The following SELPLG variants were observed in gnomAD, a reference collection of about 807,000 sequenced individuals.
SELPLG encodes selectin P ligand.
Under a neutral mutation model 1.1 loss-of-function variants are expected in SELPLG, and 2 were observed. That is an observed-to-expected ratio of 1.82 (90% CI 0.74 to 5.71). The LOEUF (loss-of-function observed/expected upper bound fraction) is 5.71. Among genes scored for constraint, SELPLG ranks in the 30% most tolerant of loss-of-function variants. The pLI is 0.05. For missense variants in SELPLG, 478 were observed against 524.7 expected, an observed-to-expected ratio of 0.91 and a Z score of 0.87; for synonymous variants, 230 against 221.2, an observed-to-expected ratio of 1.04 and a Z score of -0.35.
rs2031860186 is a variant in SELPLG, at chr12:108,623,390, G to A, written c.918C>T (p.Asn306=). The change falls in exon 2 of 2, where the codon AAC becomes AAT. Residue 306 remains asparagine, a synonymous_variant. Transcript: ENST00000550948. ...TGTGGTCTGGGGCCCCCACTGGGTA[G>A]TTGACGGACAAATTGCTGGCTGCCA... The part of the protein sequence containing the change: ...IPMAASNLSV[N]YPVGAPDHIS... 2 of 1,614,270 alleles carry A rather than the reference G, an allele frequency of 1.2e-6. No individual in the cohort carries two copies. The highest frequency in any genetic ancestry group is 1.7e-6 in the Non-Finnish European group (2 of 1,180,040).
At chr12:108,630,702 T>A (rs528519855) in intron 1 of SELPLG, among the ~76,000 whole-genome samples, 2 of 152,280 alleles carry the variant, frequency 1.3e-5, no homozygotes, top group Non-Finnish European at 2.9e-5. Flanking sequence ...CACCCGCTTT[T>A]TATGGGGTTG....
chr12:108,632,122 G>A, intron 1 of SELPLG: 1 of 596,148 alleles, frequency 1.7e-6, no homozygotes, highest in Non-Finnish European at 3.0e-6. Flanking sequence ...GCCCAGCCTA[G>A]CAACCCAGCC....
At chr12:108,630,713 T>C (rs2032031533) in intron 1 of SELPLG, among the ~76,000 whole-genome samples, 1 of 152,196 alleles carries the variant, frequency 6.6e-6, no homozygotes, top group Admixed American at 6.5e-5. Context: ...TATGGGGTTG[T>C]TGTGGGTTGA....
chr12:108,632,012 C>T, intron 1 of SELPLG: 1 of 1,285,510 alleles, frequency 7.8e-7, no homozygotes, highest in Non-Finnish European at 1.1e-6. Context: ...CTGCTTCTCC[C>T]CTTCAAGCCT....
intron 1 of SELPLG, chr12:108,631,839 G>T: frequency 1.3e-6 from 2 of 1,491,042 alleles, no homozygotes; most frequent in Non-Finnish European, 1.8e-6. Flanking sequence ...AACAAACACA[G>T]ACCCCCAACA....
intron 1 of SELPLG, among the ~76,000 whole-genome samples, chr12:108,625,379 C>T (rs572767217): frequency 4.6e-5 from 7 of 152,300 alleles, no homozygotes; most frequent in South Asian, 2.1e-4. Flanking sequence ...ACAGGGATGA[C>T]GGTGCCTACT....
chr12:108,622,595 T>G lies in SELPLG; in HGVS notation c.*474A>C, dbSNP rs1440549305. The stretch of plus-strand genomic sequence containing the variant: ...TCAGAAGTCCGTCACTCTTCAGTAC[T>G]CCTCCCTTAGAATGTCCACTTCCTG... On this transcript the variant is annotated 3_prime_UTR_variant, in exon 2 of 2. Coordinates refer to ENST00000550948, the MANE Select transcript of SELPLG (RefSeq NM_003006.4). 1 of 156,864 alleles carries G rather than the reference T, an allele frequency of 6.4e-6. No homozygotes were observed. Among genetic ancestry groups the G allele is most frequent in the Non-Finnish European group, 1.4e-5 (1 of 71,306 alleles). The allele number at this position is 156,864 out of a possible 1,614,324, so 9.7% of individuals were successfully genotyped here.
intron 1 of SELPLG, among the ~76,000 whole-genome samples, chr12:108,626,054 C>T (rs1349528673): frequency 6.6e-6 from 1 of 151,948 alleles, no homozygotes. Flanking sequence ...AACTCACTCA[C>T]GGGCCCCTCA....
chr12:108,623,232 G>C lies in SELPLG; in HGVS notation c.1076C>G (p.Pro359Arg). The change falls in exon 2 of 2, where the codon CCC becomes CGC. Residue 359 changes from proline to arginine, a missense_variant. Pro to Arg is a moderately radical substitution (Grantham distance 103). Transcript: ENST00000550948. Reference protein sequence around the residue: ...GHMYPVRNYSPTEMVCISSLL... With the variant: ...GHMYPVRNYSRTEMVCISSLL... ...GGATGAGATGCAGACCATCTCGGTG[G>C]GGGAGTAATTACGCACGGGGTACAT... 6.2e-7 allele frequency: 1 copy of C among 1,613,952 alleles called. No individual in the cohort carries two copies. Among genetic ancestry groups the C allele is most frequent in the African/African-American group, 1.3e-5 (1 of 75,040 alleles).
At chr12:108,631,611 C>T (rs1285295525) in intron 1 of SELPLG, among the ~76,000 whole-genome samples, 2 of 152,134 alleles carry the variant, frequency 1.3e-5, no homozygotes, top group East Asian at 1.9e-4. Context: ...TGGTGGCTTG[C>T]AAACCACAGT....
rs1178536091 is a variant in SELPLG, at chr12:108,622,419, C to T, written c.*650G>A. 6.6e-6 allele frequency: 1 copy of T among 152,460 alleles called. No homozygotes were observed. The highest frequency in any genetic ancestry group is 1.5e-5 in the Non-Finnish European group (1 of 68,250). The allele number at this position is 152,460 out of a possible 1,614,324, so 9.4% of individuals were successfully genotyped here. A position where few individuals can be genotyped will look rare whatever the true frequency, so the allele number is the denominator to read the frequency against. Reference sequence around the variant, plus strand: ...GTCACTTGTCACTAGATGGAAGCTCCTTGGTCCACACAGTCCCAAAGAAAG... The same window carrying T: ...GTCACTTGTCACTAGATGGAAGCTCTTTGGTCCACACAGTCCCAAAGAAAG... On this transcript the variant is annotated 3_prime_UTR_variant, in exon 2 of 2. Transcript: ENST00000550948.
Position 108,623,963 on chromosome 12 carries a change from A to G in SELPLG, c.345T>C (p.Asp115=). 6.2e-7 allele frequency: 1 copy of G among 1,614,082 alleles called. No homozygotes were observed. Among genetic ancestry groups the G allele is most frequent in the South Asian group, 1.1e-5 (1 of 91,078 alleles). The change falls in exon 2 of 2, where the codon GAT becomes GAC. Residue 115 remains aspartate, a synonymous_variant. Coordinates refer to ENST00000550948, the MANE Select transcript of SELPLG (RefSeq NM_003006.4). ...ELANMGNLST[D]SAAMEIQTTQ... ...TGGTCTGTATCTCCATAGCTGCTGA[A>G]TCCGTGGACAGGTTCCCCATGTTGG...
intron 1 of SELPLG, among the ~76,000 whole-genome samples, chr12:108,630,537 C>T (rs1391683854): frequency 2.0e-5 from 3 of 152,188 alleles, no homozygotes; most frequent in Non-Finnish European, 2.9e-5. Context: ...TCTGGGTAGA[C>T]AGGACAGGCC....
rs771448600 is a variant in SELPLG, at chr12:108,623,526, G to A, written c.782C>T (p.Ala261Val). 8 of 1,614,278 alleles carry A rather than the reference G, an allele frequency of 5.0e-6. No individual in the cohort carries two copies. The highest frequency in any genetic ancestry group is 6.8e-6 in the Non-Finnish European group (8 of 1,180,052). Residue 261 changes from alanine to valine, a missense_variant, in exon 2 of 2, where the codon GCC (alanine) becomes GTC (valine). Coordinates refer to ENST00000550948, the MANE Select transcript of SELPLG (RefSeq NM_003006.4). ...AQTTPLAAME[A>V]LSTEPSATEA... ...TGTGGCACTGGGTTCTGTGGACAGG[G>A]CCTCCATGGCTGCCAGTGGAGTGGT...
At chr12:108,624,543 CT>C (rs35628273) in intron 1 of SELPLG, among the ~76,000 whole-genome samples, 23 of 152,318 alleles carry the variant, frequency 1.5e-4, no homozygotes, top group South Asian at 2.1e-4. Flanking sequence ...GGCCCTTTAA[CT>C]TCTTCTAGAT....
At chr12:108,626,074 C>G (rs1265876803) in intron 1 of SELPLG, among the ~76,000 whole-genome samples, 1 of 151,982 alleles carries the variant, frequency 6.6e-6, no homozygotes, top group Non-Finnish European at 1.5e-5. Context: ...ACCTTCCAGC[C>G]AGGTTCAATC....
At position 108,623,964 on chromosome 12, in the gene SELPLG, T is replaced by C. The variant is rs375638575; in HGVS notation, c.344A>G (p.Asp115Gly). The change falls in exon 2 of 2, where the codon GAT becomes GGT. Residue 115 changes from aspartate (D) to glycine (G), a missense_variant. By Grantham distance (94) the Asp-to-Gly change is moderately conservative. Coordinates refer to ENST00000550948, the MANE Select transcript of SELPLG (RefSeq NM_003006.4). ...ELANMGNLST[D>G]SAAMEIQTTQ... ...GGTCTGTATCTCCATAGCTGCTGAA[T>C]CCGTGGACAGGTTCCCCATGTTGGC... 1.2e-4 allele frequency: 187 copies of C among 1,614,058 alleles called. No homozygotes were observed. The highest frequency in any genetic ancestry group is 2.8e-4 in the Admixed American group (17 of 60,000).
intron 1 of SELPLG, among the ~76,000 whole-genome samples, chr12:108,626,422 C>T (rs1318611790): frequency 6.6e-6 from 1 of 152,016 alleles, no homozygotes; most frequent in Non-Finnish European, 1.5e-5. Context: ...GGGCGTGGGC[C>T]ACCGTGCCAG....
intron 1 of SELPLG, among the ~76,000 whole-genome samples, chr12:108,628,049 C>A (rs1023820726): frequency 5.3e-5 from 8 of 151,968 alleles, no homozygotes; most frequent in African/African-American, 1.7e-4. Context: ...CCACTGCACC[C>A]CAGCCTGGGT....
Sources: allele counts gnomAD v4.1 joint callset (sites outside exome capture counted in the v4.1 genomes callset), GRCh38; gene constraint gnomAD v4.1.1; transcripts MANE v1.5; gene names NCBI Gene and HGNC (gene_info 2026-07-23, HGNC 2026-07-21).